Variants in ZNF582 observed in about 807,000 individuals in gnomAD.
The protein encoded by ZNF582 is zinc finger protein 582.
A neutral mutation model predicts 12.3 loss-of-function variants in ZNF582; 14 were observed. That is an observed-to-expected ratio of 1.14 (90% confidence interval 0.75 to 1.78). The LOEUF is 1.78. ZNF582 is among the 40% of genes most tolerant of loss of function. ZNF582 has a pLI of 0.00. For synonymous variants in ZNF582, 210 were observed against 207.2 expected, an observed-to-expected ratio of 1.01 and a Z score of -0.11; for missense variants, 567 against 616.5, an observed-to-expected ratio of 0.92 and a Z score of 0.85.
In ZNF582 at chr19:56,390,249, G is replaced by A. The variant is rs1233114460; in HGVS notation, c.136+126C>T. ...GGGGTAGGGGGATGCAGCTTCAGCC[G>A]ACAGCGCCGCCCTTTAACCCCTCAA... On this transcript the variant is annotated intron_variant, in intron 3 of 4. Transcript: ENST00000586929. 42 of 1,469,082 alleles carry A rather than the reference G, an allele frequency of 2.9e-5. 1 individual carries two copies. In the South Asian group the frequency reaches 4.3e-4, roughly 15 times the overall value. 91.0% of individuals were successfully genotyped at this position (1,469,082 alleles called of 1,614,324 possible). A position where few individuals can be genotyped will look rare whatever the true frequency, so the allele number is the denominator to read the frequency against.
exon 5 of ZNF582, chr19:56,383,843 AAGTC>A: frequency 6.6e-7 from 1 of 1,524,428 alleles, no homozygotes; most frequent in East Asian, 2.3e-5. Flanking sequence ...AGGGAGAAGT[AAGTC>A]ACAGTCACAA....
intron 4 of ZNF582, among the ~76,000 whole-genome samples, chr19:56,387,099 T>C (rs1468901990): frequency 6.6e-6 from 1 of 152,224 alleles, no homozygotes; most frequent in African/African-American, 2.4e-5. Flanking sequence ...AACTCCAGTG[T>C]GATACTACTC....
At chr19:56,393,337 G>A in exon 1 of ZNF582, 1 of 1,074,920 alleles carries the variant, frequency 9.3e-7, no homozygotes, top group South Asian at 1.4e-5. Flanking sequence ...ACAGAGCGAC[G>A]ATGAGGCGAG....
Sources: allele counts gnomAD v4.1 joint callset (sites outside exome capture counted in the v4.1 genomes callset), GRCh38; gene constraint gnomAD v4.1.1; transcripts MANE v1.5; gene names NCBI Gene and HGNC (gene_info 2026-07-23, HGNC 2026-07-21).